Variants in LIPC observed in about 807,000 individuals in gnomAD.
LIPC encodes the protein lipase C, hepatic type.
LIPC carries 44 observed loss-of-function variants against 50.7 expected under a neutral mutation model. The observed-to-expected ratio is 0.87, with a 90% CI of 0.68 to 1.11. The LOEUF (loss-of-function observed/expected upper bound fraction) is 1.11, where lower values mean the gene tolerates loss of function less well. Among genes scored for constraint, LIPC ranks in the 50% most tolerant of loss-of-function variants. The pLI is 0.00. For synonymous variants in LIPC, 271 were observed against 256.4 expected (o/e 1.06, Z -0.54); for missense variants, 697 against 648.2 (o/e 1.08, Z -0.82).
chr15:58,452,475 C>A (rs1056263917), intron 1 of LIPC, among the ~76,000 whole-genome samples: 1 of 152,176 alleles, frequency 6.6e-6, no homozygotes, highest in Non-Finnish European at 1.5e-5. Flanking sequence ...CCATTCCAGC[C>A]TTCAGCCACG....
intron 3 of LIPC, 53 bp from the exon 4 acceptor site, chr15:58,542,481 G>C: frequency 8.3e-7 from 1 of 1,207,680 alleles, no homozygotes; most frequent in South Asian, 1.2e-5. Flanking sequence ...GACCGCAAAA[G>C]GCTTTCATCC....
Position 58,451,154 on chromosome 15 carries a change from G to A in LIPC, c.88+19034G>A, listed in dbSNP as rs189358223. Among the ~76,000 whole-genome samples, 169 of 152,284 alleles carry A rather than the reference G, an allele frequency of 1.1e-3. 1 individual carries two copies. The highest frequency in any genetic ancestry group is 8.8e-3 in the Admixed American group (135 of 15,298). ...GCATGTATCCCCAGAGCAATCAAAGGCCCTGACCGGCACAGGATTGGGAGG... is the reference window on the plus strand; with the variant it reads ...GCATGTATCCCCAGAGCAATCAAAGACCCTGACCGGCACAGGATTGGGAGG... On this transcript the variant is annotated intron_variant, in intron 1 of 8. Coordinates refer to ENST00000299022, the MANE Select transcript of LIPC (RefSeq NM_000236.3).
intron 1 of LIPC, among the ~76,000 whole-genome samples, chr15:58,516,276 C>T (rs1456926227): frequency 2.0e-4 from 11 of 54,296 alleles, no homozygotes; most frequent in Admixed American, 5.2e-4. Flanking sequence ...CACTGGTTTT[C>T]AGCAATTTGA....
At chr15:58,493,713 T>C (rs1327960460) in intron 1 of LIPC, among the ~76,000 whole-genome samples, 1 of 148,528 alleles carries the variant, frequency 6.7e-6, no homozygotes, top group Non-Finnish European at 1.5e-5. Context: ...ATTTTGTATA[T>C]ATTTGTATAT....
At chr15:58,501,492 A>T (rs748871734) in intron 1 of LIPC, among the ~76,000 whole-genome samples, 2 of 152,014 alleles carry the variant, frequency 1.3e-5, no homozygotes, top group Admixed American at 6.6e-5. Flanking sequence ...TATTTTTAAC[A>T]TCTGCGTCAG....
chr15:58,532,497 T>C (rs1333542103), intron 1 of LIPC, among the ~76,000 whole-genome samples: 3 of 152,174 alleles, frequency 2.0e-5, no homozygotes, highest in Non-Finnish European at 2.9e-5. Context: ...TTTTCAGCAG[T>C]GGATGTTTAC....
intron 8 of LIPC, chr15:58,565,541 C>T (rs1894337430): frequency 7.9e-7 from 1 of 1,264,584 alleles, no homozygotes; most frequent in East Asian, 3.1e-5. Flanking sequence ...TTGCTGTGAT[C>T]CTGAAATGGG....
chr15:58,498,457 GA>G (rs1419733736), intron 1 of LIPC, among the ~76,000 whole-genome samples: 1 of 151,954 alleles, frequency 6.6e-6, no homozygotes, highest in African/African-American at 2.4e-5. Flanking sequence ...GGTGGGTGAT[GA>G]AAAAAGTTTT....
intron 1 of LIPC, chr15:58,454,302 C>G: frequency 6.6e-6 from 1 of 152,266 alleles, no homozygotes; most frequent in East Asian, 1.9e-4. Context: ...CCAATTCGTT[C>G]TGGTCATGCC....
At chr15:58,434,550 G>A (rs536530022) in intron 1 of LIPC, among the ~76,000 whole-genome samples, 2 of 152,156 alleles carry the variant, frequency 1.3e-5, no homozygotes, top group African/African-American at 4.8e-5. Flanking sequence ...GCTCTGTGTC[G>A]AGCCCACACC....
At chr15:58,536,238 T>C (rs973005530) in intron 1 of LIPC, among the ~76,000 whole-genome samples, 1 of 151,930 alleles carries the variant, frequency 6.6e-6, no homozygotes, top group African/African-American at 2.4e-5. Context: ...GGAGGTGAGG[T>C]GCAAAGGTAC....
intron 1 of LIPC, among the ~76,000 whole-genome samples, chr15:58,536,046 T>C (rs536467790): frequency 1.3e-5 from 2 of 152,038 alleles, no homozygotes; most frequent in Non-Finnish European, 2.9e-5. Context: ...CGCTGACAGG[T>C]GGAGGAAGCA....
intron 1 of LIPC, among the ~76,000 whole-genome samples, chr15:58,507,277 T>G (rs1892182663): frequency 6.6e-6 from 1 of 152,022 alleles, no homozygotes; most frequent in South Asian, 2.1e-4. Context: ...ACTTTTCTTT[T>G]TGCTTTCTCT....
chr15:58,509,662 C>T (rs1294407376), intron 1 of LIPC, among the ~76,000 whole-genome samples: 1 of 152,096 alleles, frequency 6.6e-6, no homozygotes, highest in Admixed American at 6.5e-5. Context: ...TAAGCCAGGA[C>T]TCTCTGTATA....
At chr15:58,501,843 G>A (rs1891996341) in intron 1 of LIPC, among the ~76,000 whole-genome samples, 1 of 152,114 alleles carries the variant, frequency 6.6e-6, no homozygotes, top group African/African-American at 2.4e-5. Flanking sequence ...CTATCTTGGA[G>A]CCTCTGCCTC....
At chr15:58,543,662 G>A (rs1170219954) in intron 4 of LIPC, among the ~76,000 whole-genome samples, 2 of 152,064 alleles carry the variant, frequency 1.3e-5, no homozygotes, top group Non-Finnish European at 2.9e-5. Context: ...TTGAGACGGA[G>A]TTTCGCTCTT....
intron 4 of LIPC, among the ~76,000 whole-genome samples, 177 bp downstream of exon 4, chr15:58,542,828 C>A (rs1352468349): frequency 6.6e-6 from 1 of 152,196 alleles, no homozygotes; most frequent in Non-Finnish European, 1.5e-5. Context: ...GATTGCTGTT[C>A]CAGAGAATTC....
intron 2 of LIPC, among the ~76,000 whole-genome samples, chr15:58,539,556 A>G (rs1302378587): frequency 1.3e-5 from 2 of 152,136 alleles, no homozygotes; most frequent in African/African-American, 2.4e-5. Flanking sequence ...ATAGTTCACA[A>G]TTTGAACCCT....
At chr15:58,559,715 A>C (rs112520988) in intron 6 of LIPC, among the ~76,000 whole-genome samples, 27 of 145,082 alleles carry the variant, frequency 1.9e-4, no homozygotes, top group East Asian at 4.0e-4. Context: ...AAAAAAAAAA[A>C]AAAAAAAAAA....
Sources: allele counts gnomAD v4.1 joint callset (sites outside exome capture counted in the v4.1 genomes callset), GRCh38; gene constraint gnomAD v4.1.1; transcripts MANE v1.5; gene names NCBI Gene and HGNC (gene_info 2026-07-23, HGNC 2026-07-21).